Variants in TMEM98 observed in about 807,000 individuals in gnomAD.
The protein encoded by TMEM98 is transmembrane protein 98.
A neutral mutation model predicts 25.0 loss-of-function variants in TMEM98; 18 were observed. The ratio of observed to expected loss-of-function variants is 0.72; its 90% CI spans 0.50 to 1.07. TMEM98 has a LOEUF of 1.07. Ranked by LOEUF, TMEM98 falls within the 50% of genes least tolerant of loss-of-function variation. TMEM98 has a pLI of 0.00. For synonymous variants in TMEM98, 103 were observed against 112.4 expected (o/e 0.92, Z 0.53); for missense variants, 241 against 289.0 (o/e 0.83, Z 1.20).
At position 32,941,550 on chromosome 17, in the gene TMEM98, AG is replaced by A. The variant is rs1328132231; in HGVS notation, c.*559del. 2 of 152,242 alleles carry A rather than the reference AG, an allele frequency of 1.3e-5. No individual in the cohort carries two copies. The highest frequency in any genetic ancestry group is 4.8e-5 in the African/African-American group (2 of 41,434). The allele number at this position is 152,242 out of a possible 1,614,324, so 9.4% of individuals were successfully genotyped here. A position where few individuals can be genotyped will look rare whatever the true frequency, so the allele number is the denominator to read the frequency against. ...CCTTGCAGGTTTGGGTTTGAAGCTG[AG>A]GAACTACAAAGTTGATGATTTCTTT... On this transcript the variant is annotated 3_prime_UTR_variant, in exon 8 of 8. Transcript: ENST00000579849.
rs1323555200 is a variant in TMEM98 at position 32,933,324 on chromosome 17, T to C, written c.263+19T>C. On this transcript the variant is annotated intron_variant, in intron 4 of 7. Transcript: ENST00000579849. ...ATGCCTCGTAAGGCCATGGGAACTG[T>C]TTGCTTCCGGGCTTCTGGCAAATGA... 6.2e-7 allele frequency: 1 copy of C among 1,613,698 alleles called. No individual in the cohort carries two copies. Among genetic ancestry groups the C allele is most frequent in the Non-Finnish European group, 8.5e-7 (1 of 1,179,820 alleles).
rs1221211565 is a variant in TMEM98 at position 32,940,907 on chromosome 17, G to A, written c.595G>A (p.Val199Ile). 1.6e-5 allele frequency: 26 copies of A among 1,614,100 alleles called. No homozygotes were observed. The highest frequency in any genetic ancestry group is 1.9e-5 in the Non-Finnish European group (23 of 1,180,052). ...GTCGGCTGCTGAGGAGCATTTGGAA[G>A]TCCTTCGAGAAGCAGCCCTAGCTTC... ...SLSAAEEHLE[V>I]LREAALASEP... The change falls in exon 8 of 8, where the codon GTC becomes ATC. Residue 199 changes from valine to isoleucine, a missense_variant. Physicochemically the swap from Val to Ile is conservative, Grantham distance 29. Coordinates refer to ENST00000579849, the MANE Select transcript of TMEM98 (RefSeq NM_015544.3).
intron 6 of TMEM98, among the ~76,000 whole-genome samples, chr17:32,939,062 T>A (rs1299343646): frequency 6.6e-6 from 1 of 151,982 alleles, no homozygotes; most frequent in Non-Finnish European, 1.5e-5. Context: ...AAAGAACCAT[T>A]AAAGACCAGG....
chr17:32,935,369 G>A (rs1189176968), intron 5 of TMEM98, among the ~76,000 whole-genome samples: 1 of 152,152 alleles, frequency 6.6e-6, no homozygotes, highest in Non-Finnish European at 1.5e-5. Context: ...ATGTGTCCTG[G>A]GCCTGGGTTT....
intron 6 of TMEM98, among the ~76,000 whole-genome samples, chr17:32,937,081 A>G (rs1319864868): frequency 1.3e-5 from 2 of 152,236 alleles, no homozygotes; most frequent in Non-Finnish European, 2.9e-5. Context: ...TCTTAGAGCC[A>G]AGGGCTGTAC....
At chr17:32,936,708 C>T (rs886899473) in intron 6 of TMEM98, among the ~76,000 whole-genome samples, 1 of 152,194 alleles carries the variant, frequency 6.6e-6, no homozygotes, top group Admixed American at 6.5e-5. Context: ...CTAGTCCTGA[C>T]CCTGTCCTAG....
At chr17:32,940,600 A>G (rs1345156202) in intron 7 of TMEM98, among the ~76,000 whole-genome samples, 186 bp from the exon 8 acceptor site, 2 of 152,178 alleles carry the variant, frequency 1.3e-5, no homozygotes, top group Admixed American at 6.5e-5. Context: ...TCAGTTAACC[A>G]TGTTTAACCC....
intron 6 of TMEM98, 126 bp downstream of exon 6, chr17:32,936,573 C>T (rs2091497792): frequency 2.5e-6 from 2 of 789,116 alleles, no homozygotes; most frequent in Non-Finnish European, 4.1e-6. Flanking sequence ...TATTTGTTTC[C>T]CACACATTTA....
intron 6 of TMEM98, among the ~76,000 whole-genome samples, 193 bp from the exon 7 acceptor site, chr17:32,939,284 G>C (rs1474462864): frequency 6.6e-6 from 1 of 152,150 alleles, no homozygotes; most frequent in Admixed American, 6.5e-5. Context: ...GCGCGTGCCT[G>C]TAATCCCAGC....
chr17:32,938,971 A>G (rs1290465365), intron 6 of TMEM98, among the ~76,000 whole-genome samples: 1 of 152,262 alleles, frequency 6.6e-6, no homozygotes, highest in Non-Finnish European at 1.5e-5. Context: ...ACAAAACTAG[A>G]AAACAAAGTA....
At chr17:32,928,744 C>G (rs1328082690) in intron 1 of TMEM98, among the ~76,000 whole-genome samples, 1 of 151,652 alleles carries the variant, frequency 6.6e-6, no homozygotes, top group African/African-American at 2.4e-5. Context: ...AAGATAAACA[C>G]TCAGGTCACA....
chr17:32,930,849 T>C (rs1206739863), intron 1 of TMEM98: 1 of 152,228 alleles, frequency 6.6e-6, no homozygotes, highest in East Asian at 1.9e-4. Context: ...TTTGTGCATG[T>C]TTTTATGGCT....
At chr17:32,934,452 T>A in intron 5 of TMEM98, 128 bp downstream of exon 5, 1 of 1,026,766 alleles carries the variant, frequency 9.7e-7, no homozygotes, top group Non-Finnish European at 1.5e-6. Context: ...AACTTGACAC[T>A]TGGAATTTTT....
At position 32,931,692 on chromosome 17, in the gene TMEM98, G is replaced by A. The variant is rs563295542; in HGVS notation, c.131+33G>A. 3.1e-6 allele frequency: 5 copies of A among 1,594,418 alleles called. No homozygotes were observed. In the African/African-American group the frequency reaches 5.3e-5, roughly 17 times the overall value. On this transcript the variant is annotated intron_variant, in intron 3 of 7. Coordinates refer to ENST00000579849, the MANE Select transcript of TMEM98 (RefSeq NM_015544.3). Reference sequence around the variant, plus strand: ...AGCCTATGGAGGGCAAGGAGGAGGGGTGGGCTCTAACTAAAGAAAAAGAGA... The same window carrying A: ...AGCCTATGGAGGGCAAGGAGGAGGGATGGGCTCTAACTAAAGAAAAAGAGA...
intron 5 of TMEM98, 121 bp downstream of exon 5, chr17:32,934,445 T>G: frequency 9.0e-7 from 1 of 1,107,550 alleles, no homozygotes. Flanking sequence ...TTTCCTTAAC[T>G]TGACACTTGG....
At chr17:32,931,236 A>AC (rs2091467189) in intron 1 of TMEM98, 91 bp from the exon 2 acceptor site, 1 of 314,092 alleles carries the variant, frequency 3.2e-6, no homozygotes, top group African/African-American at 2.2e-5. Flanking sequence ...AAACAAACAA[A>AC]AAATTTTAGT....
At chr17:32,933,816 A>G (rs141457799) in intron 4 of TMEM98, among the ~76,000 whole-genome samples, 11 of 152,358 alleles carry the variant, frequency 7.2e-5, no homozygotes, top group Non-Finnish European at 8.8e-5. Context: ...AGTATCACAG[A>G]AACTGTAAGA....
chr17:32,936,442 C>A lies in TMEM98; in HGVS notation c.408C>A (p.Ser136Arg). ...TCATTGTGGTGGCCAAGCGGATCAG[C>A]CCCAGGTGAGCAATTGGCGGCTTCG... ...SDIIVVAKRI[S>R]PRVDDVVKSM... The change falls in exon 6 of 8, where the codon AGC becomes AGA. Residue 136 changes from serine to arginine, a missense_variant. Coordinates refer to ENST00000579849, the MANE Select transcript of TMEM98 (RefSeq NM_015544.3). 6.2e-7 allele frequency: 1 copy of A among 1,613,988 alleles called. No homozygotes were observed. Among genetic ancestry groups the A allele is most frequent in the Non-Finnish European group, 8.5e-7 (1 of 1,179,864 alleles).
chr17:32,939,410 A>AC, intron 6 of TMEM98, 67 bp from the exon 7 acceptor site: 1 of 802,044 alleles, frequency 1.2e-6, no homozygotes, highest in Non-Finnish European at 1.7e-6. Flanking sequence ...CTGTCTCAGG[A>AC]AAAAAAAAAA....
Sources: gnomAD v4.1 joint callset for allele counts (sites outside exome capture counted in the v4.1 genomes callset) on GRCh38, gnomAD v4.1.1 for gene constraint, MANE v1.5 for transcripts, NCBI Gene and HGNC (gene_info 2026-07-23, HGNC 2026-07-21) for gene names.